CYB5R4: variants seen among roughly 807,000 people sequenced by gnomAD.
CYB5R4 encodes N-terminal cytochrome b5 and cytochrome b5 oxidoreductase domain-containing protein.
A neutral mutation model predicts 70.2 loss-of-function variants in CYB5R4; 55 were observed. That is an observed-to-expected ratio of 0.78 (90% confidence interval 0.63 to 0.98). CYB5R4 has a LOEUF of 0.98. Ranked by LOEUF, CYB5R4 falls within the 50% of genes least tolerant of loss-of-function variation. CYB5R4 has a pLI of 0.00. For synonymous variants in CYB5R4, 197 were observed against 199.5 expected, an observed-to-expected ratio of 0.99 and a Z score of 0.11; for missense variants, 562 against 612.6, an observed-to-expected ratio of 0.92 and a Z score of 0.87.
In CYB5R4 at chr6:83,966,552, G is replaced by A. The variant is rs935785908; in HGVS notation, c.*6674G>A. ...ACTAAAAATACAAAATTAGCCAGGT[G>A]TGGTAGCATAGGCCTGTAATCCCTG... On this transcript the variant is annotated 3_prime_UTR_variant, in exon 16 of 16. Transcript: ENST00000369681. 2.0e-5 allele frequency: 3 copies of A among 152,130 alleles called. No individual in the cohort carries two copies. The highest frequency in any genetic ancestry group is 4.4e-5 in the Non-Finnish European group (3 of 68,042). 9.4% of individuals were successfully genotyped at this position (152,130 alleles called of 1,614,324 possible). A position where few individuals can be genotyped will look rare whatever the true frequency, so the allele number is the denominator to read the frequency against.
At chr6:83,865,097 G>C (rs1459867475) in intron 2 of CYB5R4, among the ~76,000 whole-genome samples, 2 of 152,108 alleles carry the variant, frequency 1.3e-5, no homozygotes, top group African/African-American at 4.8e-5. Context: ...ATTTTGGTTT[G>C]TTGTCAGTTA....
At chr6:83,940,015 G>GTTTTTTTTT in intron 12 of CYB5R4, 41 bp from the exon 13 acceptor site, 1 of 1,158,946 alleles carries the variant, frequency 8.6e-7, no homozygotes, top group South Asian at 1.7e-5. Context: ...TTTGTTTTTT[G>GTTTTTTTTT]TTTTTTTTTT....
At chr6:83,896,861 A>G (rs1230488111) in intron 3 of CYB5R4, among the ~76,000 whole-genome samples, 2 of 151,994 alleles carry the variant, frequency 1.3e-5, no homozygotes, top group Non-Finnish European at 2.9e-5. Context: ...TGTTTTCCAT[A>G]ATGGTTGTAC....
intron 7 of CYB5R4, 94 bp from the exon 8 acceptor site, chr6:83,920,988 T>C: frequency 1.1e-6 from 1 of 903,820 alleles, no homozygotes; most frequent in Non-Finnish European, 1.5e-6. Context: ...AGAAGCACCG[T>C]ATGAAGTACC....
intron 10 of CYB5R4, 38 bp downstream of exon 10, chr6:83,924,630 A>G (rs201152816): frequency 1.3e-4 from 201 of 1,597,682 alleles, no homozygotes; most frequent in Non-Finnish European, 1.6e-4. Context: ...TTTCACATTC[A>G]TGAAATTGTT....
At chr6:83,860,942 A>G (rs9362013) in intron 1 of CYB5R4, among the ~76,000 whole-genome samples, 27,043 of 152,216 alleles carry the variant, frequency 0.18, 5,004 homozygotes, top group African/African-American at 0.45. Flanking sequence ...GCTAAGAAAT[A>G]TTGCCCTAAA....
rs1252110031 is a variant in CYB5R4 at position 83,965,252 on chromosome 6, C to A, written c.*5374C>A. On this transcript the variant is annotated 3_prime_UTR_variant, in exon 16 of 16. Coordinates refer to ENST00000369681, the MANE Select transcript of CYB5R4 (RefSeq NM_016230.4). ...CTGGAAAAGCTGCAGATACTCAACA[C>A]CAGCCCATGAAAGCAGCCAGGATGG... 1 of 152,370 alleles carries A rather than the reference C, an allele frequency of 6.6e-6. No homozygotes were observed. The highest frequency in any genetic ancestry group is 1.5e-5 in the Non-Finnish European group (1 of 68,178). 9.4% of individuals were successfully genotyped at this position (152,370 alleles called of 1,614,324 possible). A position where few individuals can be genotyped will look rare whatever the true frequency, so the allele number is the denominator to read the frequency against.
At chr6:83,874,173 C>T (rs1412057511) in intron 2 of CYB5R4, among the ~76,000 whole-genome samples, 2 of 95,992 alleles carry the variant, frequency 2.1e-5, no homozygotes, top group Admixed American at 2.3e-4. Flanking sequence ...CCCCTCCCCT[C>T]CCCTCCCCTC....
intron 2 of CYB5R4, among the ~76,000 whole-genome samples, chr6:83,889,217 T>C (rs955944145): frequency 2.0e-5 from 3 of 152,236 alleles, no homozygotes; most frequent in South Asian, 2.1e-4. Context: ...AGTGATGTAG[T>C]TGAATACACG....
chr6:83,955,485 A>T (rs1206160878), intron 15 of CYB5R4, 23 bp downstream of exon 15: 1 of 1,601,422 alleles, frequency 6.2e-7, no homozygotes, highest in Non-Finnish European at 8.5e-7. Context: ...GTAGTAGGAA[A>T]CAGACTGCCC....
At chr6:83,946,782 G>C (rs6932183) in intron 14 of CYB5R4, among the ~76,000 whole-genome samples, 6,378 of 151,278 alleles carry the variant, frequency 0.042, 457 homozygotes, top group African/African-American at 0.15. Context: ...CAATAATAGA[G>C]AGCGAAATCA....
rs558169282 is a variant in CYB5R4, at chr6:83,892,217, G to T, written c.230-1305G>T. On this transcript the variant is annotated intron_variant, in intron 2 of 15. Coordinates refer to ENST00000369681, the MANE Select transcript of CYB5R4 (RefSeq NM_016230.4). ...AAATTCTGTGAATTTACTTCCTTTT[G>T]TGCTTACCTTTAAGAGACTTTATAA... 2.0e-3 allele frequency among the ~76,000 whole-genome samples: 311 copies of T among 152,240 alleles called. 3 individuals carry two copies. The highest frequency in any genetic ancestry group is 2.7e-3 in the Admixed American group (42 of 15,294).
intron 4 of CYB5R4, among the ~76,000 whole-genome samples, chr6:83,911,659 T>C (rs1407317279): frequency 6.6e-6 from 1 of 151,864 alleles, no homozygotes; most frequent in South Asian, 2.1e-4. Flanking sequence ...TTCTATAGAG[T>C]CCTTTCAAAT....
intron 2 of CYB5R4, among the ~76,000 whole-genome samples, chr6:83,873,043 A>G (rs982794826): frequency 2.6e-5 from 4 of 152,064 alleles, no homozygotes; most frequent in Non-Finnish European, 4.4e-5. Flanking sequence ...TTACACTTAA[A>G]CTATAGACTG....
In CYB5R4 at chr6:83,924,596, T is replaced by C; in HGVS notation, c.814+4T>C. On this transcript the variant is annotated splice_donor_region_variant and intron_variant, in intron 10 of 15. Transcript: ENST00000369681. ...CTTATTCCAAGGAAAGATACAGGTA[T>C]GCTGTGTTCTTTTGTTACGTTAATT... The C allele has an allele frequency of 6.2e-6, 10 of 1,610,462 alleles. No individual in the cohort carries two copies. Among genetic ancestry groups the C allele is most frequent in the Non-Finnish European group, 8.5e-6 (10 of 1,178,324 alleles).
chr6:83,909,867 T>C (rs748603387), intron 4 of CYB5R4, among the ~76,000 whole-genome samples: 2 of 152,188 alleles, frequency 1.3e-5, no homozygotes, highest in Admixed American at 6.5e-5. Flanking sequence ...TTGATAGTGG[T>C]CAGAGATGCT....
Position 83,960,224 on chromosome 6 carries a change from C to G in CYB5R4, c.*346C>G, listed in dbSNP as rs2099473115. 1 of 180,892 alleles carries G rather than the reference C, an allele frequency of 5.5e-6. No homozygotes were observed. Among genetic ancestry groups the G allele is most frequent in the South Asian group, 1.4e-4 (1 of 7,138 alleles). 11.2% of individuals were successfully genotyped at this position (180,892 alleles called of 1,614,324 possible). ...TGATAAAGTAAATGATCACTTCGAT[C>G]ATGTTTCTATGCTGTAAAATGTCTT... On this transcript the variant is annotated 3_prime_UTR_variant, in exon 16 of 16. Transcript: ENST00000369681.
intron 2 of CYB5R4, among the ~76,000 whole-genome samples, chr6:83,890,698 G>A (rs566878592): frequency 2.0e-4 from 31 of 152,164 alleles, no homozygotes; most frequent in African/African-American, 6.7e-4. Flanking sequence ...CAGTTGAAGG[G>A]CAAACTTTAC....
intron 4 of CYB5R4, among the ~76,000 whole-genome samples, chr6:83,913,517 T>A (rs984014251): frequency 2.0e-5 from 3 of 152,156 alleles, no homozygotes; most frequent in Non-Finnish European, 2.9e-5. Context: ...ATTATTTTGG[T>A]AAAATGAGGA....
Sources: gnomAD v4.1 joint callset for allele counts (sites outside exome capture counted in the v4.1 genomes callset) on GRCh38, gnomAD v4.1.1 for gene constraint, MANE v1.5 for transcripts, NCBI Gene and HGNC (gene_info 2026-07-23, HGNC 2026-07-21) for gene names.